DAB2IP: variants seen among roughly 807,000 people sequenced by gnomAD.
DAB2IP encodes the protein DAB2 interacting protein.
Under a neutral mutation model 107.2 loss-of-function variants are expected in DAB2IP, and 28 were observed. The ratio of observed to expected loss-of-function variants is 0.26; its 90% CI spans 0.19 to 0.36. The LOEUF is 0.36. DAB2IP is among the 10% of genes least tolerant of loss of function. The pLI, the probability that DAB2IP is intolerant of heterozygous loss-of-function variation, is 1.00. For synonymous variants in DAB2IP, 755 were observed against 706.4 expected (o/e 1.07, Z -1.09); for missense variants, 1,400 against 1,644.7 (o/e 0.85, Z 2.57).
At chr9:121,577,575 A>T (rs1388473785) in intron 1 of DAB2IP, among the ~76,000 whole-genome samples, 1 of 152,136 alleles carries the variant, frequency 6.6e-6, no homozygotes, top group Admixed American at 6.5e-5. Context: ...CACCAGAAAG[A>T]GTTGGTCTGT....
chr9:121,656,816 G>A (rs1013926268), intron 1 of DAB2IP, among the ~76,000 whole-genome samples: 1 of 152,178 alleles, frequency 6.6e-6, no homozygotes, highest in African/African-American at 2.4e-5. Context: ...CCCAGAGAAT[G>A]AAAGCTTTGC....
chr9:121,569,546 G>A (rs973912305), intron 1 of DAB2IP, among the ~76,000 whole-genome samples: 10 of 152,236 alleles, frequency 6.6e-5, no homozygotes, highest in African/African-American at 1.2e-4. Flanking sequence ...AAGGCTGGGC[G>A]CAGTGGCTCA....
intron 13 of DAB2IP, among the ~76,000 whole-genome samples, chr9:121,774,636 A>T (rs1476569360): frequency 6.6e-6 from 1 of 152,340 alleles, no homozygotes; most frequent in Admixed American, 6.5e-5. Context: ...TCCCATCTGC[A>T]GATTGGAATC....
chr9:121,777,588 C>T (rs187935620), intron 14 of DAB2IP, among the ~76,000 whole-genome samples: 21 of 152,346 alleles, frequency 1.4e-4, no homozygotes, highest in African/African-American at 3.6e-4. Context: ...CTAACCAATC[C>T]TGGAATATTT....
chr9:121,712,239 CTTCCAGGATCCACACATGGGTT>C (rs951200215), intron 3 of DAB2IP, among the ~76,000 whole-genome samples: 5 of 152,182 alleles, frequency 3.3e-5, no homozygotes, highest in African/African-American at 1.2e-4. Flanking sequence ...TGTGTGCTTT[CTTCCAGGATCCACACATGGGTT>C]TTCTAGCACA....
At chr9:121,679,687 C>T (rs1042946796) in intron 2 of DAB2IP, among the ~76,000 whole-genome samples, 4 of 151,922 alleles carry the variant, frequency 2.6e-5, no homozygotes, top group African/African-American at 4.8e-5. Context: ...TTCTGGGTGG[C>T]AGGAACAGAG....
intron 2 of DAB2IP, among the ~76,000 whole-genome samples, chr9:121,680,596 C>A (rs1828533555): frequency 6.6e-6 from 1 of 152,226 alleles, no homozygotes; most frequent in South Asian, 2.1e-4. Flanking sequence ...TCCCTGGGGC[C>A]ACAGCAGGCA....
chr9:121,624,929 G>T (rs916687833), intron 1 of DAB2IP, among the ~76,000 whole-genome samples: 1 of 152,164 alleles, frequency 6.6e-6, no homozygotes. Context: ...GGATTTAGGG[G>T]GCTGCGAGAA....
chr9:121,766,808 C>G, intron 9 of DAB2IP, 78 bp downstream of exon 9: 1 of 1,447,646 alleles, frequency 6.9e-7, no homozygotes, highest in Non-Finnish European at 9.6e-7. Context: ...TGTTTCTGCC[C>G]CCAAGCTGAG....
rs561978850 is a variant in DAB2IP at position 121,633,933 on chromosome 9, C to T, written c.41-44745C>T. Among the ~76,000 whole-genome samples, 15 of 152,332 alleles carry T rather than the reference C, an allele frequency of 9.8e-5. No individual in the cohort carries two copies. The highest frequency in any genetic ancestry group is 5.2e-4 in the Admixed American group (8 of 15,300). Reference sequence around the variant, plus strand: ...ATTCAAAGGCTTGGCCCAGATGCCACCTCCTCTGTGAAGCCTTTCTTGATT... The same window carrying T: ...ATTCAAAGGCTTGGCCCAGATGCCATCTCCTCTGTGAAGCCTTTCTTGATT... On this transcript the variant is annotated intron_variant, in intron 1 of 16. Coordinates refer to the DAB2IP transcript ENST00000259371. This position sits in a 1 kb window ranked among gnomAD's most constrained non-coding sequence, Gnocchi z 5.1.
intron 1 of DAB2IP, among the ~76,000 whole-genome samples, chr9:121,619,672 G>A (rs1260970462): frequency 1.3e-5 from 2 of 152,206 alleles, no homozygotes; most frequent in Non-Finnish European, 1.5e-5. Context: ...AATTGCAAAT[G>A]TCCTTACACT....
At chr9:121,597,789 G>A (rs1426078274) in intron 1 of DAB2IP, among the ~76,000 whole-genome samples, 2 of 152,206 alleles carry the variant, frequency 1.3e-5, no homozygotes, top group Non-Finnish European at 2.9e-5. Context: ...TGTTGGATTA[G>A]GGGTTCTATA....
chr9:121,709,786 A>G (rs1158714701), intron 3 of DAB2IP, among the ~76,000 whole-genome samples: 1 of 152,096 alleles, frequency 6.6e-6, no homozygotes, highest in East Asian at 1.9e-4. Flanking sequence ...CCCTCATTTT[A>G]TCCTTCCCCC....
At chr9:121,577,529 G>C (rs558220841) in intron 1 of DAB2IP, among the ~76,000 whole-genome samples, 124 of 152,340 alleles carry the variant, frequency 8.1e-4, no homozygotes, top group Non-Finnish European at 1.5e-3. Context: ...GAGGGCGTGG[G>C]GGGCCCACAC....
At chr9:121,576,964 A>C (rs773935916) in intron 1 of DAB2IP, among the ~76,000 whole-genome samples, 2 of 151,966 alleles carry the variant, frequency 1.3e-5, no homozygotes, top group African/African-American at 2.4e-5. Flanking sequence ...TCAACTGCCC[A>C]ACCAGGGTCC....
At chr9:121,762,372 C>T (rs532511806) in intron 6 of DAB2IP, among the ~76,000 whole-genome samples, 74 of 152,240 alleles carry the variant, frequency 4.9e-4, no homozygotes, top group Non-Finnish European at 8.2e-4. Flanking sequence ...GGAGGAGCCC[C>T]GGGGGAGATG....
intron 3 of DAB2IP, chr9:121,753,200 C>T (rs1024890510): frequency 1.3e-5 from 2 of 152,278 alleles, no homozygotes; most frequent in African/African-American, 4.8e-5. Context: ...AGAGGTGCCA[C>T]ATCCTGGCAG....
intron 2 of DAB2IP, among the ~76,000 whole-genome samples, chr9:121,689,339 T>C (rs1329916160): frequency 6.6e-6 from 1 of 150,456 alleles, no homozygotes; most frequent in Non-Finnish European, 1.5e-5. Context: ...CCCATACCCA[T>C]GGGCCTTCTG....
At chr9:121,732,986 G>A (rs1056374530) in intron 3 of DAB2IP, among the ~76,000 whole-genome samples, 2 of 152,212 alleles carry the variant, frequency 1.3e-5, no homozygotes, top group Non-Finnish European at 2.9e-5. Context: ...TTAACAGCTG[G>A]TGCACTGAAA....
Sources: allele counts gnomAD v4.1 joint callset (sites outside exome capture counted in the v4.1 genomes callset), GRCh38; gene constraint gnomAD v4.1.1; non-coding constraint Gnocchi (gnomAD v3.1); transcripts MANE v1.5; gene names NCBI Gene and HGNC (gene_info 2026-07-23, HGNC 2026-07-21).